Variants in RPH3AL observed in about 807,000 individuals in gnomAD.
The protein encoded by RPH3AL is rab effector Noc2.
Under a neutral mutation model 43.1 loss-of-function variants are expected in RPH3AL, and 38 were observed. The ratio of observed to expected loss-of-function variants is 0.88; its 90% CI spans 0.68 to 1.15. The LOEUF is 1.15. Among genes scored for constraint, RPH3AL ranks in the 50% most tolerant of loss-of-function variants. The pLI is 0.00. For missense variants in RPH3AL, 462 were observed against 423.2 expected (o/e 1.09, Z -0.81); for synonymous variants, 189 against 176.3 (o/e 1.07, Z -0.57).
chr17:247,615 A>AAT, intron 6 of RPH3AL: 1 of 305,100 alleles, frequency 3.3e-6, no homozygotes, highest in South Asian at 7.6e-5. Context: ...TCTCCTCAGC[A>AAT]GCTGGGACTA....
intron 5 of RPH3AL, among the ~76,000 whole-genome samples, chr17:316,439 G>A (rs373565947): frequency 1.2e-4 from 17 of 147,618 alleles, no homozygotes; most frequent in Non-Finnish European, 2.5e-4. Context: ...TTGACCTGTA[G>A]TCTCTGTGCT....
At chr17:310,829 T>C (rs981784438) in intron 5 of RPH3AL, among the ~76,000 whole-genome samples, 1 of 152,182 alleles carries the variant, frequency 6.6e-6, no homozygotes, top group East Asian at 1.9e-4. Flanking sequence ...GAGAGAGCCC[T>C]GCAGGGGCAA....
intron 7 of RPH3AL, among the ~76,000 whole-genome samples, chr17:238,271 AGAGAG>A (rs1435475825): frequency 6.6e-6 from 1 of 151,578 alleles, no homozygotes; most frequent in African/African-American, 2.4e-5. Flanking sequence ...AAAGAGAAAA[AGAGAG>A]AGAGAGAAAG....
At chr17:236,861 G>A (rs1274963871) in intron 7 of RPH3AL, among the ~76,000 whole-genome samples, 1 of 152,264 alleles carries the variant, frequency 6.6e-6, no homozygotes, top group Non-Finnish European at 1.5e-5. Context: ...CGCCACGGGC[G>A]GGGCATGCGC....
chr17:235,681 TACACTAACAA>T (rs2041364093), intron 7 of RPH3AL, among the ~76,000 whole-genome samples: 2 of 26,460 alleles, frequency 7.6e-5, no homozygotes, highest in African/African-American at 1.7e-4. Context: ...GCGGAGGCTC[TACACTAACAA>T]GACAGGTCCC....
intron 7 of RPH3AL, among the ~76,000 whole-genome samples, chr17:240,971 T>G (rs529571089): frequency 4.6e-5 from 7 of 151,254 alleles, no homozygotes; most frequent in African/African-American, 1.5e-4. Flanking sequence ...GCAGGAGAAT[T>G]GCTTGAACCC....
At chr17:244,392 A>C (rs1466657402) in intron 7 of RPH3AL, among the ~76,000 whole-genome samples, 6 of 151,238 alleles carry the variant, frequency 4.0e-5, no homozygotes, top group Non-Finnish European at 8.8e-5. Flanking sequence ...AGCCTAAGAG[A>C]TGTGGGATGT....
Position 347,125 on chromosome 17 carries a change from G to A in RPH3AL, c.-213+5587C>T, listed in dbSNP as rs1408804057. 3.0e-5 allele frequency among the ~76,000 whole-genome samples: 4 copies of A among 134,714 alleles called. 1 individual carries two copies. Among genetic ancestry groups the A allele is most frequent in the Non-Finnish European group, 6.7e-5 (4 of 59,286 alleles). 88.4% of individuals were successfully genotyped at this position (134,714 alleles called of 152,430 possible). A position where few individuals can be genotyped will look rare whatever the true frequency, so the allele number is the denominator to read the frequency against. ...TACAAAAAATTAGCCAGGCATGGTG[G>A]CAGGCACCTGTAGTCCCAGCTATTC... On this transcript the variant is annotated intron_variant, in intron 1 of 9. Coordinates refer to ENST00000331302, the MANE Select transcript of RPH3AL (RefSeq NM_006987.4).
intron 1 of RPH3AL, among the ~76,000 whole-genome samples, chr17:352,424 G>A (rs1022328086): frequency 6.6e-6 from 1 of 152,040 alleles, no homozygotes; most frequent in Non-Finnish European, 1.5e-5. Context: ...GCATGAGGCT[G>A]TTCTCCAGCC....
rs975500541 is a variant in RPH3AL, at chr17:333,575, G to A, written c.-37+184C>T. 4 of 297,280 alleles carry A rather than the reference G, an allele frequency of 1.3e-5. No homozygotes were observed. Among genetic ancestry groups the A allele is most frequent in the African/African-American group, 8.6e-5 (4 of 46,264 alleles). 18.4% of individuals were successfully genotyped at this position (297,280 alleles called of 1,614,324 possible). A position where few individuals can be genotyped will look rare whatever the true frequency, so the allele number is the denominator to read the frequency against. On this transcript the variant is annotated intron_variant, in intron 2 of 9. Coordinates refer to ENST00000331302, the MANE Select transcript of RPH3AL (RefSeq NM_006987.4). This position sits in a 1 kb window ranked among gnomAD's most constrained non-coding sequence, Gnocchi z 4.5. ...AAATATGATTTTAAACTATAACTTA[G>A]TATTCTGAATACAATACGTTTTACC...
intron 5 of RPH3AL, among the ~76,000 whole-genome samples, chr17:302,335 G>A (rs1003416175): frequency 2.0e-5 from 3 of 152,190 alleles, no homozygotes; most frequent in South Asian, 2.1e-4. Flanking sequence ...CCCGACTCTC[G>A]CAGGTGTAGC....
intron 5 of RPH3AL, among the ~76,000 whole-genome samples, chr17:298,913 G>A (rs763762762): frequency 3.9e-5 from 6 of 152,044 alleles, no homozygotes; most frequent in African/African-American, 7.2e-5. Context: ...AGCCAGGCCT[G>A]GCCCTGGGCC....
intron 3 of RPH3AL, among the ~76,000 whole-genome samples, chr17:326,606 C>T (rs754032441): frequency 6.6e-6 from 1 of 152,162 alleles, no homozygotes; most frequent in African/African-American, 2.4e-5. Flanking sequence ...CAGGGCCAGG[C>T]GCGGTGGCTC....
chr17:220,295 C>A (rs1186164458), intron 7 of RPH3AL, among the ~76,000 whole-genome samples: 1 of 151,700 alleles, frequency 6.6e-6, no homozygotes, highest in East Asian at 1.9e-4. Context: ...GGGCTCCACT[C>A]ACTGAGACAA....
At chr17:298,076 G>A (rs901989072) in intron 5 of RPH3AL, among the ~76,000 whole-genome samples, 1 of 152,106 alleles carries the variant, frequency 6.6e-6, no homozygotes, top group African/African-American at 2.4e-5. Flanking sequence ...TCCGTGCCCT[G>A]TGGCTCACAC....
intron 5 of RPH3AL, among the ~76,000 whole-genome samples, chr17:309,983 G>C (rs999778162): frequency 6.6e-6 from 1 of 152,066 alleles, no homozygotes; most frequent in Admixed American, 6.5e-5. Flanking sequence ...TGAAGACTCA[G>C]GTCATCGTTT....
intron 6 of RPH3AL, among the ~76,000 whole-genome samples, chr17:279,258 A>G (rs1173975143): frequency 6.6e-6 from 1 of 152,162 alleles, no homozygotes; most frequent in African/African-American, 2.4e-5. Context: ...AATCCAGCAC[A>G]TGGTTCTGGT....
chr17:294,543 T>C (rs541320699), intron 5 of RPH3AL, among the ~76,000 whole-genome samples: 2 of 151,756 alleles, frequency 1.3e-5, no homozygotes, highest in African/African-American at 4.8e-5. Flanking sequence ...GCAGAGGGAA[T>C]GCACATCAGT....
At chr17:317,423 A>G (rs1294869700) in intron 5 of RPH3AL, among the ~76,000 whole-genome samples, 61 of 143,054 alleles carry the variant, frequency 4.3e-4, no homozygotes, top group Admixed American at 2.8e-3. Context: ...TGTGCTCCAC[A>G]CCTCCATTGA....
Sources: allele counts gnomAD v4.1 joint callset (sites outside exome capture counted in the v4.1 genomes callset), GRCh38; gene constraint gnomAD v4.1.1; non-coding constraint Gnocchi (gnomAD v3.1); transcripts MANE v1.5; gene names NCBI Gene and HGNC (gene_info 2026-07-23, HGNC 2026-07-21).